Variants in TMEFF2 observed in about 807,000 individuals in gnomAD.
TMEFF2 encodes transmembrane protein with EGF like and two follistatin like domains 2.
A neutral mutation model predicts 53.8 loss-of-function variants in TMEFF2; 28 were observed. The observed-to-expected ratio is 0.52, with a 90% CI of 0.39 to 0.71. TMEFF2 has a LOEUF of 0.71. Ranked by LOEUF, TMEFF2 falls within the 30% of genes least tolerant of loss-of-function variation. The pLI, the probability that TMEFF2 is intolerant of heterozygous loss-of-function variation, is 0.00. For synonymous variants in TMEFF2, 162 were observed against 166.3 expected (o/e 0.97, Z 0.20); for missense variants, 353 against 455.2 (o/e 0.78, Z 2.04).
intron 7 of TMEFF2, among the ~76,000 whole-genome samples, chr2:191,996,281 G>A (rs760351388): frequency 1.3e-5 from 2 of 151,764 alleles, no homozygotes; most frequent in Non-Finnish European, 2.9e-5. Flanking sequence ...TTTGTTTCAG[G>A]AACAAAATTC....
chr2:192,163,940 G>A (rs768940829), intron 4 of TMEFF2, among the ~76,000 whole-genome samples: 3 of 151,976 alleles, frequency 2.0e-5, no homozygotes, highest in East Asian at 3.9e-4. Context: ...GATAGACATG[G>A]CCCCCAGGAC....
intron 4 of TMEFF2, among the ~76,000 whole-genome samples, chr2:192,060,606 A>G (rs1333408044): frequency 3.3e-5 from 5 of 152,290 alleles, no homozygotes; most frequent in South Asian, 2.1e-4. Flanking sequence ...AATTCTTAGT[A>G]AAGGTCACAG....
intron 7 of TMEFF2, among the ~76,000 whole-genome samples, chr2:191,962,156 T>A (rs1692292306): frequency 6.6e-6 from 1 of 152,228 alleles, no homozygotes; most frequent in South Asian, 2.1e-4. Context: ...AAATTTAACA[T>A]TTCTTCTGCA....
intron 4 of TMEFF2, among the ~76,000 whole-genome samples, chr2:192,150,695 GT>G (rs11375610): frequency 7.7e-4 from 110 of 143,612 alleles, no homozygotes; most frequent in Admixed American, 1.7e-3. Context: ...GACACTTCAT[GT>G]TTTTTTTTTT....
intron 7 of TMEFF2, 29 bp from the exon 8 acceptor site, chr2:191,956,407 C>G: frequency 2.5e-6 from 4 of 1,603,722 alleles, no homozygotes; most frequent in Non-Finnish European, 2.6e-6. Context: ...GTAAGCACCC[C>G]CTGTAAATAC....
intron 7 of TMEFF2, among the ~76,000 whole-genome samples, chr2:191,961,906 T>A (rs953511176): frequency 3.9e-5 from 6 of 152,270 alleles, no homozygotes; most frequent in African/African-American, 1.4e-4. Flanking sequence ...GCAAGGCATA[T>A]ACGAGTAGAT....
chr2:192,177,255 G>A (rs905317069), intron 4 of TMEFF2: 2 of 151,114 alleles, frequency 1.3e-5, no homozygotes, highest in African/African-American at 4.8e-5. Context: ...ACAGAGGAAA[G>A]TCTATCATCT....
At position 192,077,467 on chromosome 2, in the gene TMEFF2, C is replaced by CCAAT. The variant is rs528855567; in HGVS notation, c.440-19696_440-19693dup. ...TGTGGAAAACTACAAGTATAATTGC[C>CCAAT]CAATGATGCCAATTTATTTTTTTTC... is the stretch of plus-strand genomic sequence containing the variant. On this transcript the variant is annotated intron_variant, in intron 4 of 9. Coordinates refer to ENST00000272771, the MANE Select transcript of TMEFF2 (RefSeq NM_016192.4). Among the ~76,000 whole-genome samples the CCAAT allele has an allele frequency of 1.3e-4, 20 of 152,102 alleles. No individual in the cohort carries two copies. The South Asian group carries it at 3.1e-3, about 24-fold the overall frequency.
rs187218418 is a variant in TMEFF2, at chr2:191,953,663, A to G, written c.1028+16T>C. 2.5e-6 allele frequency: 4 copies of G among 1,611,892 alleles called. No homozygotes were observed. The highest frequency in any genetic ancestry group is 3.3e-5 in the Admixed American group (2 of 59,726). On this transcript the variant is annotated intron_variant, in intron 9 of 9. Transcript: ENST00000272771. Reference sequence around the variant, plus strand: ...ATATCCCTTTATTTGGGTAGCCACCAAGTGCTGTTACTGACCTTGTGATGC... The same window carrying G: ...ATATCCCTTTATTTGGGTAGCCACCGAGTGCTGTTACTGACCTTGTGATGC...
intron 4 of TMEFF2, among the ~76,000 whole-genome samples, chr2:192,075,302 T>TAAAA (rs1258473625): frequency 2.6e-5 from 1 of 38,088 alleles, no homozygotes; most frequent in Non-Finnish European, 6.1e-5. Context: ...TATATATATA[T>TAAAA]ATATATATAT....
chr2:192,075,308 T>TATATATATATATATATATATATATAA (rs1688396145), intron 4 of TMEFF2, among the ~76,000 whole-genome samples: 1 of 67,944 alleles, frequency 1.5e-5, no homozygotes, highest in Admixed American at 1.7e-4. Context: ...TATATATATA[T>TATATATATATATATATATATATATAA]ATATATATAT....
chr2:192,021,494 T>C (rs1402594706), intron 5 of TMEFF2, among the ~76,000 whole-genome samples: 4 of 152,098 alleles, frequency 2.6e-5, no homozygotes, highest in African/African-American at 9.7e-5. Context: ...GGTACTGATT[T>C]TGTGGTATGT....
intron 4 of TMEFF2, among the ~76,000 whole-genome samples, chr2:192,125,909 C>T (rs1689666278): frequency 6.6e-6 from 1 of 152,174 alleles, no homozygotes; most frequent in Non-Finnish European, 1.5e-5. Flanking sequence ...GGAAGAATAG[C>T]TAATGATGCT....
At chr2:192,017,572 T>C (rs188103320) in intron 5 of TMEFF2, among the ~76,000 whole-genome samples, 1 of 152,308 alleles carries the variant, frequency 6.6e-6, no homozygotes, top group Admixed American at 6.5e-5. Context: ...CTCTCGCTGG[T>C]TTTCCTTGTA....
Position 191,950,233 on chromosome 2 carries a change from GTCTTATTCT to G in TMEFF2, c.*69_*77del. On this transcript the variant is annotated 3_prime_UTR_variant, in exon 10 of 10. Coordinates refer to ENST00000272771, the MANE Select transcript of TMEFF2 (RefSeq NM_016192.4). ...GCAAGGCAACATGTGTAGATCTCTT[GTCTTATTCT>G]TTTGTCTATAATACTGTATTGTGTA... 7.1e-7 allele frequency: 1 copy of G among 1,408,648 alleles called. No homozygotes were observed. Among genetic ancestry groups the G allele is most frequent in the Non-Finnish European group, 9.3e-7 (1 of 1,073,242 alleles). 87.3% of individuals were successfully genotyped at this position (1,408,648 alleles called of 1,614,324 possible).
intron 9 of TMEFF2, among the ~76,000 whole-genome samples, chr2:191,950,634 A>G (rs985577419): frequency 6.6e-6 from 1 of 152,170 alleles, no homozygotes; most frequent in African/African-American, 2.4e-5. Flanking sequence ...GAAGTTGAAG[A>G]GGAAGACATT....
At chr2:192,092,213 A>G (rs923825615) in intron 4 of TMEFF2, among the ~76,000 whole-genome samples, 4 of 152,156 alleles carry the variant, frequency 2.6e-5, no homozygotes, top group Admixed American at 1.3e-4. Context: ...GAATCACAAT[A>G]AAGTTTTCAC....
intron 4 of TMEFF2, among the ~76,000 whole-genome samples, chr2:192,110,523 C>A (rs1689248963): frequency 6.6e-6 from 1 of 152,154 alleles, no homozygotes; most frequent in Non-Finnish European, 1.5e-5. Context: ...TATCTCTCTT[C>A]CCTTCCAAGA....
At chr2:192,142,332 A>T (rs1690157038) in intron 4 of TMEFF2, among the ~76,000 whole-genome samples, 1 of 152,148 alleles carries the variant, frequency 6.6e-6, no homozygotes. Flanking sequence ...TTTGGTTTGA[A>T]GATCTGGCAT....
Sources: allele counts gnomAD v4.1 joint callset (sites outside exome capture counted in the v4.1 genomes callset), GRCh38; gene constraint gnomAD v4.1.1; transcripts MANE v1.5; gene names NCBI Gene and HGNC (gene_info 2026-07-23, HGNC 2026-07-21).